The following CHD5 variants were observed in gnomAD, a reference collection of about 807,000 sequenced individuals.
The protein encoded by CHD5 is ATP-dependent chromatin remodeler CHD5.
In CHD5, 69 loss-of-function variants were observed where a neutral mutation model predicts 230.3. That is an observed-to-expected ratio of 0.30 (90% CI 0.25 to 0.37). The LOEUF (loss-of-function observed/expected upper bound fraction) is 0.37, where lower values mean the gene tolerates loss of function less well. Ranked by LOEUF, CHD5 falls within the 10% of genes least tolerant of loss-of-function variation. The pLI, the probability that CHD5 is intolerant of heterozygous loss-of-function variation, is 1.00. For synonymous variants in CHD5, 1,064 were observed against 1,065.9 expected (o/e 1.00, Z 0.03); for missense variants, 1,827 against 2,622.8 (o/e 0.70, Z 6.63).
chr1:6,113,667 G>A (rs1249768835), intron 33 of CHD5, among the ~76,000 whole-genome samples: 1 of 152,198 alleles, frequency 6.6e-6, no homozygotes, highest in African/African-American at 2.4e-5. Context: ...ATGCCAACAC[G>A]GTCCAACACC....
At position 6,148,911 on chromosome 1, in the gene CHD5, G is replaced by A; in HGVS notation, c.1326C>T (p.Cys442=). 1 of 1,592,014 alleles carries A rather than the reference G, an allele frequency of 6.3e-7. No individual in the cohort carries two copies. The highest frequency in any genetic ancestry group is 8.6e-7 in the Non-Finnish European group (1 of 1,168,390). The change falls in exon 9 of 42, where the codon TGC becomes TGT. Residue 442 remains cysteine, a synonymous_variant. Transcript: ENST00000262450. ...DACPSSYHLH[C]LNPPLPEIPN... ...GGATCTCGGGCAGCGGCGGGTTGAG[G>A]CAATGCAGGTGGTAGGAGGAGGGGC...
chr1:6,145,918 C>T (rs1046211237), intron 11 of CHD5, among the ~76,000 whole-genome samples: 3 of 152,222 alleles, frequency 2.0e-5, no homozygotes, highest in African/African-American at 7.2e-5. Context: ...TCAGAACCCT[C>T]TTGCTGGTAT....
Position 6,142,158 on chromosome 1 carries a change from A to C in CHD5, c.2406T>G (p.Ile802Met), listed in dbSNP as rs1666838293. The change falls in exon 15 of 42, where the codon ATT (isoleucine) becomes ATG (methionine). Residue 802 changes from isoleucine to methionine, a missense_variant. Physicochemically the swap from Ile to Met is conservative, Grantham distance 10 (BLOSUM62 1). Transcript: ENST00000262450. The surrounding 1 kb of genome is among the most constrained non-coding windows in gnomAD (Gnocchi z 5.2). ...ENEFSFEDNAIRSGKKVFRMK... is the reference protein window; with the variant it reads ...ENEFSFEDNAMRSGKKVFRMK... ...TACGGAATACCTTCTTCCCACTCCG[A>C]ATGGCGTTGTCCTCAAAGGAAAACT... is the stretch of plus-strand genomic sequence containing the variant. 1.2e-6 allele frequency: 2 copies of C among 1,614,082 alleles called. No homozygotes were observed. The highest frequency in any genetic ancestry group is 1.7e-6 in the Non-Finnish European group (2 of 1,179,970).
At chr1:6,151,537 G>A (rs1185543134) in intron 6 of CHD5, among the ~76,000 whole-genome samples, 1 of 152,264 alleles carries the variant, frequency 6.6e-6, no homozygotes, top group Non-Finnish European at 1.5e-5. Flanking sequence ...GTGTGTGCCA[G>A]GTCTGGCCTG....
intron 1 of CHD5, among the ~76,000 whole-genome samples, chr1:6,178,232 C>G (rs552432172): frequency 6.6e-6 from 1 of 152,104 alleles, no homozygotes; most frequent in Non-Finnish European, 1.5e-5. Context: ...ACCAGAGCCC[C>G]GCCTCTCTGG....
At chr1:6,158,783 G>A (rs1402617485) in intron 3 of CHD5, among the ~76,000 whole-genome samples, 4 of 151,976 alleles carry the variant, frequency 2.6e-5, no homozygotes, top group East Asian at 1.9e-4. Context: ...CGAGGCGGGC[G>A]GATCACGAGG....
In CHD5 at chr1:6,155,247, G is replaced by A. The variant is rs1667063685; in HGVS notation, c.507-349C>T. Among the ~76,000 whole-genome samples the A allele has an allele frequency of 6.6e-6, 1 of 152,108 alleles. No homozygotes were observed. The highest frequency in any genetic ancestry group is 2.1e-4 in the South Asian group (1 of 4,828). ...TTTTCTCATTGGGTTTTCAGGCCCT[G>A]CAAGACTTGTGGGGCCACAGGTGGG... On this transcript the variant is annotated intron_variant, in intron 4 of 41. Coordinates refer to ENST00000262450, the MANE Select transcript of CHD5 (RefSeq NM_015557.3). This position sits in a 1 kb window ranked among gnomAD's most constrained non-coding sequence, Gnocchi z 4.0.
intron 1 of CHD5, among the ~76,000 whole-genome samples, chr1:6,172,941 A>C (rs1571175377): frequency 6.6e-6 from 1 of 152,002 alleles, no homozygotes; most frequent in Admixed American, 6.6e-5. Flanking sequence ...CTGTGGAGCG[A>C]AAGTTAGGTC....
rs189056876 is a variant in CHD5, at chr1:6,106,751, G to A, written c.5607C>T (p.Ser1869=). 3.3e-4 allele frequency: 524 copies of A among 1,611,360 alleles called. 2 individuals carry two copies. In the East Asian group the frequency reaches 0.01, roughly 31 times the overall value. ...GCCGGGTCACGTCGGCCTTCATGTCGCTCAGCAGCTCCTCCAGCTGGTTCA... is the reference window on the plus strand; with the variant it reads ...GCCGGGTCACGTCGGCCTTCATGTCACTCAGCAGCTCCTCCAGCTGGTTCA... ...KVLNQLEELL[S]DMKADVTRLP... Residue 1869 remains serine (S), a synonymous_variant, in exon 39 of 42, where the codon AGC becomes AGT. Transcript: ENST00000262450.
At chr1:6,158,295 T>C (rs1667110623) in intron 3 of CHD5, among the ~76,000 whole-genome samples, 2 of 152,186 alleles carry the variant, frequency 1.3e-5, no homozygotes, top group Admixed American at 6.5e-5. Context: ...CCCATCTCTG[T>C]AGCCGCTCTG....
intron 40 of CHD5, 21 bp downstream of exon 40, chr1:6,106,374 C>G: frequency 6.2e-7 from 1 of 1,608,468 alleles, no homozygotes; most frequent in African/African-American, 1.3e-5. Flanking sequence ...TGCATGCTGC[C>G]CGGAGCGGAC....
At chr1:6,150,268 T>C (rs889901836) in intron 7 of CHD5, among the ~76,000 whole-genome samples, 1 of 147,496 alleles carries the variant, frequency 6.8e-6, no homozygotes, top group Non-Finnish European at 1.5e-5. Flanking sequence ...AATGGATGGA[T>C]GGATGATGGA....
chr1:6,124,549 G>C lies in CHD5; in HGVS notation c.4507C>G (p.Arg1503Gly). 6.2e-7 allele frequency: 1 copy of C among 1,613,954 alleles called. No homozygotes were observed. The highest frequency in any genetic ancestry group is 8.5e-7 in the Non-Finnish European group (1 of 1,179,958). Residue 1503 changes from arginine (R) to glycine (G), a missense_variant, in exon 30 of 42, where the codon CGC becomes GGC. Coordinates refer to ENST00000262450, the MANE Select transcript of CHD5 (RefSeq NM_015557.3). ...CTAACTAGTGACATGACCCCGATGC[G>C]GGTCAGCACGTGCTGCCTGGAGAGG... Reference protein sequence around the residue: ...EGLSRQHVLTRIGVMSLVRKK... With the variant: ...EGLSRQHVLTGIGVMSLVRKK...
chr1:6,176,325 C>T (rs1429525338), intron 1 of CHD5, among the ~76,000 whole-genome samples: 1 of 152,162 alleles, frequency 6.6e-6, no homozygotes, highest in African/African-American at 2.4e-5. Flanking sequence ...CATCTAGGGC[C>T]AATTGTCACT....
In CHD5 at chr1:6,105,668, T is replaced by G. The variant is rs1204569335; in HGVS notation, c.*47-241A>C. ...CCAGCCAGGAAGCCCCTCTGGAGCCTCCTCCAGCAAGACACGGTTCCCACA... is the reference window on the plus strand; with the variant it reads ...CCAGCCAGGAAGCCCCTCTGGAGCCGCCTCCAGCAAGACACGGTTCCCACA... On this transcript the variant is annotated intron_variant, in intron 41 of 41. Coordinates refer to ENST00000262450, the MANE Select transcript of CHD5 (RefSeq NM_015557.3). This position sits in a 1 kb window ranked among gnomAD's most constrained non-coding sequence, Gnocchi z 4.8. Among the ~76,000 whole-genome samples the G allele has an allele frequency of 6.6e-6, 1 of 152,022 alleles. No individual in the cohort carries two copies.
chr1:6,106,811 C>CAGGGATGG, intron 38 of CHD5, 32 bp from the exon 39 acceptor site: 1 of 1,479,898 alleles, frequency 6.8e-7, no homozygotes, highest in Non-Finnish European at 9.1e-7. Flanking sequence ...TGGTAGGATG[C>CAGGGATGG]AGGGATGGAG....
rs1407781770 is a variant in CHD5, at chr1:6,146,633, G to C, written c.1590+32C>G. 6.2e-7 allele frequency: 1 copy of C among 1,607,312 alleles called. No homozygotes were observed. The highest frequency in any genetic ancestry group is 1.3e-5 in the African/African-American group (1 of 74,850). ...GGGTCCAGGGCTCACCAGGTCCCGG[G>C]CCTTAGCACAGCCACCCTCCCGGGC... On this transcript the variant is annotated intron_variant, in intron 10 of 41. Transcript: ENST00000262450. This position sits in a 1 kb window ranked among gnomAD's most constrained non-coding sequence, Gnocchi z 5.1.
intron 3 of CHD5, 103 bp downstream of exon 3, chr1:6,159,232 CA>C: frequency 1.0e-6 from 1 of 982,824 alleles, no homozygotes; most frequent in East Asian, 5.6e-5. Flanking sequence ...CTCCATCACA[CA>C]CACACACACA....
At chr1:6,110,774 A>C (rs1666275491) in intron 36 of CHD5, among the ~76,000 whole-genome samples, 1 of 152,104 alleles carries the variant, frequency 6.6e-6, no homozygotes, top group South Asian at 2.1e-4. Context: ...TTAACTCTTC[A>C]CCCCAACAAC....
Sources: allele counts gnomAD v4.1 joint callset (sites outside exome capture counted in the v4.1 genomes callset), GRCh38; gene constraint gnomAD v4.1.1; non-coding constraint Gnocchi (gnomAD v3.1); transcripts MANE v1.5; gene names NCBI Gene and HGNC (gene_info 2026-07-23, HGNC 2026-07-21).